The following RPH3AL variants were observed in gnomAD, a reference collection of about 807,000 sequenced individuals.
The protein encoded by RPH3AL is rab effector Noc2.
RPH3AL carries 38 observed loss-of-function variants against 43.1 expected under a neutral mutation model. The observed-to-expected ratio is 0.88, with a 90% CI of 0.68 to 1.15. The LOEUF (loss-of-function observed/expected upper bound fraction) is 1.15, where lower values mean the gene tolerates loss of function less well. Ranked by LOEUF, RPH3AL falls within the 50% of genes most tolerant of loss-of-function variation. The probability of loss-of-function intolerance (pLI) is 0.00; values close to 1 mark genes in which losing one functional copy is unlikely to be tolerated. For missense variants in RPH3AL, 462 were observed against 423.2 expected, an observed-to-expected ratio of 1.09 and a Z score of -0.81; for synonymous variants, 189 against 176.3, an observed-to-expected ratio of 1.07 and a Z score of -0.57.
chr17:338,194 G>A (rs2045011569), intron 1 of RPH3AL, among the ~76,000 whole-genome samples: 1 of 152,222 alleles, frequency 6.6e-6, no homozygotes, highest in African/African-American at 2.4e-5. Context: ...GGGCGTGGTG[G>A]CTCACACCTG....
chr17:310,867 TC>T (rs1381684579), intron 5 of RPH3AL, among the ~76,000 whole-genome samples: 1 of 152,082 alleles, frequency 6.6e-6, no homozygotes, highest in African/African-American at 2.4e-5. Context: ...TGTCTGGGCC[TC>T]CCTGATTCTC....
intron 1 of RPH3AL, among the ~76,000 whole-genome samples, chr17:347,843 C>T (rs1386047434): frequency 4.0e-5 from 6 of 151,644 alleles, no homozygotes; most frequent in Admixed American, 2.0e-4. Flanking sequence ...TATATTCATA[C>T]GATGGAACAG....
At chr17:334,333 A>C (rs2044880859) in intron 1 of RPH3AL, among the ~76,000 whole-genome samples, 2 of 152,240 alleles carry the variant, frequency 1.3e-5, no homozygotes, top group Non-Finnish European at 2.9e-5. Flanking sequence ...ACTTTGAAAA[A>C]CATATCCGGA....
chr17:309,091 G>A (rs1247359848), intron 5 of RPH3AL, among the ~76,000 whole-genome samples: 2 of 152,188 alleles, frequency 1.3e-5, no homozygotes, highest in East Asian at 1.9e-4. Flanking sequence ...TGAGCCAGGA[G>A]TTTGAGACCA....
In RPH3AL at chr17:327,515, T is replaced by C. The variant is rs746981079; in HGVS notation, c.29A>G (p.Asn10Ser). ...GTCATTGGGGCAAACCCACTGATCATTCCCGCTGCCGAAGATGGTGTCGGC... is the reference window on the plus strand; with the variant it reads ...GTCATTGGGGCAAACCCACTGATCACTCCCGCTGCCGAAGATGGTGTCGGC... MADTIFGSG[N>S]DQWVCPNDRQ... The change falls in exon 3 of 10, where the codon AAT becomes AGT. Residue 10 changes from asparagine (N) to serine (S), a missense_variant. Asn to Ser is a conservative substitution (Grantham distance 46). Coordinates refer to ENST00000331302, the MANE Select transcript of RPH3AL (RefSeq NM_006987.4). 7 of 1,613,768 alleles carry C rather than the reference T, an allele frequency of 4.3e-6. No individual in the cohort carries two copies. In the African/African-American group the frequency reaches 6.7e-5, roughly 15 times the overall value.
chr17:245,299 GGA>G lies in RPH3AL; in HGVS notation c.613+1810_613+1811del, dbSNP rs1555539421. Among the ~76,000 whole-genome samples, 7 of 151,376 alleles carry G rather than the reference GGA, an allele frequency of 4.6e-5. No homozygotes were observed. Among genetic ancestry groups the G allele is most frequent in the African/African-American group, 1.7e-4 (7 of 41,240 alleles). On this transcript the variant is annotated intron_variant, in intron 7 of 9. Coordinates refer to ENST00000331302, the MANE Select transcript of RPH3AL (RefSeq NM_006987.4). The surrounding 1 kb of genome is among the most constrained non-coding windows in gnomAD (Gnocchi z 5.9). The stretch of plus-strand genomic sequence containing the variant: ...TGTGTGTGTACGTGGGTGTGTGTGT[GGA>G]TGTGTGTGTGGATGTGGATGTCAGT...
In RPH3AL at chr17:322,035, C is replaced by T. The variant is rs1456267784; in HGVS notation, c.78-620G>A. Among the ~76,000 whole-genome samples the T allele has an allele frequency of 6.6e-6, 1 of 152,044 alleles. No homozygotes were observed. Among genetic ancestry groups the T allele is most frequent in the Non-Finnish European group, 1.5e-5 (1 of 68,006 alleles). On this transcript the variant is annotated intron_variant, in intron 3 of 9. Transcript: ENST00000331302. This position sits in a 1 kb window ranked among gnomAD's most constrained non-coding sequence, Gnocchi z 4.0. Reference sequence around the variant, plus strand: ...CCATGTAATTAGGGTGAAGACACAGCGTTGATATGAACACTTTGAAAACTA... The same window carrying T: ...CCATGTAATTAGGGTGAAGACACAGTGTTGATATGAACACTTTGAAAACTA...
chr17:306,559 G>A (rs557354823), intron 5 of RPH3AL: 1 of 152,136 alleles, frequency 6.6e-6, no homozygotes, highest in Non-Finnish European at 1.5e-5. Context: ...TGTCTTCAGA[G>A]TCTCCATCTT....
chr17:221,547 C>T (rs1315772138), intron 7 of RPH3AL, among the ~76,000 whole-genome samples: 2,526 of 66,682 alleles, frequency 0.038, no homozygotes, highest in South Asian at 0.049. Flanking sequence ...AGCTCTGAGG[C>T]CTCCACTCAC....
chr17:297,280 A>G (rs1272327084), intron 5 of RPH3AL, among the ~76,000 whole-genome samples: 1 of 152,172 alleles, frequency 6.6e-6, no homozygotes, highest in Non-Finnish European at 1.5e-5. Flanking sequence ...ACTTTGTAAT[A>G]TCCTTCGTCA....
chr17:304,278 C>A (rs1165586348), intron 5 of RPH3AL, among the ~76,000 whole-genome samples: 1 of 151,926 alleles, frequency 6.6e-6, no homozygotes, highest in African/African-American at 2.4e-5. Flanking sequence ...TTGCAACCGC[C>A]CCCGAGATAG....
At chr17:308,271 C>T (rs545519541) in intron 5 of RPH3AL, among the ~76,000 whole-genome samples, 2 of 152,164 alleles carry the variant, frequency 1.3e-5, no homozygotes, top group Admixed American at 6.5e-5. Context: ...GGGGACAGGG[C>T]CGTGGAGGAC....
intron 7 of RPH3AL, among the ~76,000 whole-genome samples, chr17:232,882 GTGTGTT>G: frequency 1.9e-5 from 2 of 107,492 alleles, no homozygotes; most frequent in African/African-American, 3.6e-5. Flanking sequence ...GTGTGTGTGT[GTGTGTT>G]GGCTTCTATT....
chr17:327,347 G>A (rs759780076), intron 3 of RPH3AL, 120 bp downstream of exon 3: 10 of 868,604 alleles, frequency 1.2e-5, no homozygotes, highest in East Asian at 4.9e-5. Context: ...GCATGCATCC[G>A]ACAGGCACCT....
chr17:346,589 T>C lies in RPH3AL; in HGVS notation c.-213+6123A>G, dbSNP rs1406888713. On this transcript the variant is annotated intron_variant, in intron 1 of 9. Transcript: ENST00000331302. ...CCATGATTCAATGACCTCCACCGGG[T>C]CTCTCCCACAACAGGTGGGAATGCA... Among the ~76,000 whole-genome samples the C allele has an allele frequency of 1.5e-5, 2 of 133,948 alleles. 1 individual carries two copies. The highest frequency in any genetic ancestry group is 3.4e-5 in the Non-Finnish European group (2 of 59,052). 87.9% of individuals were successfully genotyped at this position (133,948 alleles called of 152,430 possible). A position where few individuals can be genotyped will look rare whatever the true frequency, so the allele number is the denominator to read the frequency against.
intron 6 of RPH3AL, among the ~76,000 whole-genome samples, chr17:272,957 T>TACGTCAGGGAGAGACCCCAGCGAGGGTG (rs2042519191): frequency 3.7e-5 from 1 of 26,754 alleles, no homozygotes; most frequent in African/African-American, 9.5e-5. Context: ...CAGCAAGGGC[T>TACGTCAGGGAGAGACCCCAGCGAGGGTG]ACGTCAGGGT....
At chr17:226,127 C>T (rs1030090568) in intron 7 of RPH3AL, among the ~76,000 whole-genome samples, 2 of 152,222 alleles carry the variant, frequency 1.3e-5, no homozygotes, top group Non-Finnish European at 2.9e-5. Context: ...ATTTGGTGCC[C>T]GTGTGCACAA....
intron 5 of RPH3AL, among the ~76,000 whole-genome samples, chr17:294,382 A>C (rs979740631): frequency 1.3e-5 from 2 of 152,202 alleles, no homozygotes; most frequent in Non-Finnish European, 2.9e-5. Context: ...TGAGCTCAGA[A>C]GGTCGAGGCT....
At chr17:261,254 G>A (rs532113164) in intron 6 of RPH3AL, among the ~76,000 whole-genome samples, 9 of 152,364 alleles carry the variant, frequency 5.9e-5, no homozygotes, top group Admixed American at 2.6e-4. Context: ...GTACTTGTGA[G>A]TGACAATGGA....
Sources: allele counts gnomAD v4.1 joint callset (sites outside exome capture counted in the v4.1 genomes callset), GRCh38; gene constraint gnomAD v4.1.1; non-coding constraint Gnocchi (gnomAD v3.1); transcripts MANE v1.5; gene names NCBI Gene and HGNC (gene_info 2026-07-23, HGNC 2026-07-21).